Variants in PKN3 observed in about 807,000 individuals in gnomAD.
PKN3 encodes the protein serine/threonine-protein kinase N3.
A neutral mutation model predicts 113.1 loss-of-function variants in PKN3; 91 were observed. That is an observed-to-expected ratio of 0.80 (90% CI 0.68 to 0.96). PKN3 has a LOEUF of 0.96. Ranked by LOEUF, PKN3 falls within the 40% of genes least tolerant of loss-of-function variation. The probability of loss-of-function intolerance (pLI) is 0.00; values close to 1 mark genes in which losing one functional copy is unlikely to be tolerated. For synonymous variants in PKN3, 467 were observed against 499.0 expected (o/e 0.94, Z 0.85); for missense variants, 1,052 against 1,202.2 (o/e 0.88, Z 1.85).
Position 128,716,832 on chromosome 9 carries a change from T to G in PKN3, c.1894T>G (p.Ser632Ala). The G allele has an allele frequency of 6.2e-7, 1 of 1,614,004 alleles. No homozygotes were observed. The highest frequency in any genetic ancestry group is 8.5e-7 in the Non-Finnish European group (1 of 1,179,962). ...LLSLLACFQTSSHACFVTEFV... is the reference protein window; with the variant it reads ...LLSLLACFQTASHACFVTEFV... ...CTCCCTCCTTGCCTGCTTCCAGACCTCCAGCCATGCCTGCTTTGTGACTGA... is the reference window on the plus strand; with the variant it reads ...CTCCCTCCTTGCCTGCTTCCAGACCGCCAGCCATGCCTGCTTTGTGACTGA... Residue 632 changes from serine to alanine, a missense_variant, in exon 16 of 22, where the codon TCC (serine) becomes GCC (alanine). Around this residue, in one of 2 missense-constraint regions of PKN3, gnomAD observed 333 missense variants for 442.8 expected, o/e 0.75. Coordinates refer to ENST00000291906, the MANE Select transcript of PKN3 (RefSeq NM_013355.5).
At chr9:128,713,030 C>G (rs779926318) in intron 6 of PKN3, 22 bp from the exon 7 acceptor site, 2 of 1,574,514 alleles carry the variant, frequency 1.3e-6, no homozygotes, top group Non-Finnish European at 1.7e-6. Flanking sequence ...CTGACAACGC[C>G]CCCCGCTCAC....
rs750377392 is a variant in PKN3 at position 128,706,936 on chromosome 9, C to T, written c.564C>T (p.His188=). 32 of 1,614,020 alleles carry T rather than the reference C, an allele frequency of 2.0e-5. No individual in the cohort carries two copies. In the East Asian group the frequency reaches 3.1e-4, roughly 16 times the overall value. ...LLAEELQHRL[H]VEAAVAEGAK... ...CGGAGGAGCTACAGCATCGACTGCA[C>T]GTTGAGGCAGCTGTGGCTGAGGGCG... Residue 188 remains histidine (H), a synonymous_variant, in exon 5 of 22, where the codon CAC becomes CAT. Transcript: ENST00000291906.
chr9:128,706,897 GCCT>G lies in PKN3; in HGVS notation c.526_528del (p.Pro176del). 1 of 1,614,122 alleles carries G rather than the reference GCCT, an allele frequency of 6.2e-7. No homozygotes were observed. Among genetic ancestry groups the G allele is most frequent in the Non-Finnish European group, 8.5e-7 (1 of 1,180,032 alleles). Reference sequence around the variant, plus strand: ...TGAGAGCCGCCGTCCTTCCCACAGGGCCTGAGCTGCTGGCGGAGGAGCTACAGC... The same window carrying G: ...TGAGAGCCGCCGTCCTTCCCACAGGGGAGCTGCTGGCGGAGGAGCTACAGC... On this transcript the variant is annotated inframe_deletion and splice_region_variant, in exon 5 of 22. Transcript: ENST00000291906.
At position 128,720,265 on chromosome 9, in the gene PKN3, G is replaced by A. The variant is rs1328454477; in HGVS notation, c.2439G>A (p.Lys813=). 1 of 1,614,020 alleles carries A rather than the reference G, an allele frequency of 6.2e-7. No individual in the cohort carries two copies. ...GAGEQDAEEI[K]VQPFFRTTNW... is the part of the protein sequence containing the mutation. ...GTGAGCAGGATGCCGAGGAGATCAAGGTCCAGCCATTCTTCAGGGTGAGCG... is the reference window on the plus strand; with the variant it reads ...GTGAGCAGGATGCCGAGGAGATCAAAGTCCAGCCATTCTTCAGGGTGAGCG... The change falls in exon 21 of 22, where the codon AAG becomes AAA. Residue 813 remains lysine (K), a synonymous_variant. Coordinates refer to ENST00000291906, the MANE Select transcript of PKN3 (RefSeq NM_013355.5). This position sits in a 1 kb window ranked among gnomAD's most constrained non-coding sequence, Gnocchi z 5.5.
At chr9:128,713,925 C>A in intron 9 of PKN3, 121 bp from the exon 10 acceptor site, 1 of 979,288 alleles carries the variant, frequency 1.0e-6, no homozygotes, top group African/African-American at 1.6e-5. Context: ...TTCTCTGGGT[C>A]TTTCTGGCTC....
rs1862523314 is a variant in PKN3 at position 128,720,910 on chromosome 9, A to G, written c.*304A>G. 3 of 575,140 alleles carry G rather than the reference A, an allele frequency of 5.2e-6. No homozygotes were observed. Among genetic ancestry groups the G allele is most frequent in the Non-Finnish European group, 9.2e-6 (3 of 327,124 alleles). 35.6% of individuals were successfully genotyped at this position (575,140 alleles called of 1,614,324 possible). The stretch of plus-strand genomic sequence containing the variant: ...TGGACTTGCTTTATATTAAATTTGT[A>G]AAAGTGTGCACTGGCAGCAGCCTGG... On this transcript the variant is annotated 3_prime_UTR_variant, in exon 22 of 22. Transcript: ENST00000291906. This position sits in a 1 kb window ranked among gnomAD's most constrained non-coding sequence, Gnocchi z 5.5.
At chr9:128,705,677 C>T (rs902998871) in intron 2 of PKN3, 57 bp from the exon 3 acceptor site, 11 of 1,545,408 alleles carry the variant, frequency 7.1e-6, no homozygotes, top group Middle Eastern at 2.0e-4. Context: ...GGAAAGGCCA[C>T]AGTGGGGGTC....
In PKN3 at chr9:128,710,335, C is replaced by T. The variant is rs565971372; in HGVS notation, c.836-2717C>T. On this transcript the variant is annotated intron_variant, in intron 6 of 21. Transcript: ENST00000291906. ...GCATGGGCTTTGAAGCTGTATCCCA[C>T]CGAGATACAGTGAGAGCTGGAAAGG... 1.2e-4 allele frequency among the ~76,000 whole-genome samples: 18 copies of T among 151,984 alleles called. No homozygotes were observed. The South Asian group carries it at 1.9e-3, about 16-fold the overall frequency.
chr9:128,715,250 AGGGT>A lies in PKN3; in HGVS notation c.1716+18_1716+21del, dbSNP rs767552620. The A allele has an allele frequency of 1.2e-6, 2 of 1,613,720 alleles. No homozygotes were observed. Among genetic ancestry groups the A allele is most frequent in the East Asian group, 4.5e-5 (2 of 44,852 alleles). On this transcript the variant is annotated intron_variant, in intron 14 of 21. Coordinates refer to ENST00000291906, the MANE Select transcript of PKN3 (RefSeq NM_013355.5). This position sits in a 1 kb window ranked among gnomAD's most constrained non-coding sequence, Gnocchi z 4.1. ...ACTTTGGGAAGGTAGTGGGCTGAAG[AGGGT>A]GGTATGGGACGGGATTGGGGGCCTC...
At position 128,705,392 on chromosome 9, in the gene PKN3, G is replaced by A. The variant is rs1169053869; in HGVS notation, c.114G>A (p.Glu38=). ...QKELKIKEGV[E]NLRRVATDRR... is the part of the protein sequence containing the mutation. ...AGCTGAAGATCAAGGAGGGGGTGGAGAACCTGCGGCGCGTGGCCACAGACC... is the reference window on the plus strand; with the variant it reads ...AGCTGAAGATCAAGGAGGGGGTGGAAAACCTGCGGCGCGTGGCCACAGACC... Residue 38 remains glutamate (E), a synonymous_variant, in exon 2 of 22, where the codon GAG becomes GAA. Coordinates refer to ENST00000291906, the MANE Select transcript of PKN3 (RefSeq NM_013355.5). 1 of 1,597,722 alleles carries A rather than the reference G, an allele frequency of 6.3e-7. No individual in the cohort carries two copies. The highest frequency in any genetic ancestry group is 1.1e-5 in the South Asian group (1 of 89,046).
intron 6 of PKN3, among the ~76,000 whole-genome samples, chr9:128,712,393 C>T (rs1428310359): frequency 1.3e-5 from 2 of 152,164 alleles, no homozygotes; most frequent in Non-Finnish European, 2.9e-5. Context: ...CCTCTAGTGA[C>T]GTGACACATG....
At chr9:128,714,459 C>T in intron 11 of PKN3, 94 bp downstream of exon 11, 1 of 1,199,084 alleles carries the variant, frequency 8.3e-7, no homozygotes, top group South Asian at 1.2e-5. Context: ...CTGCATTGCT[C>T]AGCCCGCTAA....
chr9:128,720,273 C>CCTG lies in PKN3; in HGVS notation c.2447_2448insCTG (p.Pro816_Phe817insTer). ...GATGCCGAGGAGATCAAGGTCCAGC[C>CCTG]ATTCTTCAGGGTGAGCGGCTGGGGT... is the stretch of plus-strand genomic sequence containing the variant. On this transcript the variant is annotated stop_gained and inframe_insertion, in exon 21 of 22. Coordinates refer to ENST00000291906, the MANE Select transcript of PKN3 (RefSeq NM_013355.5). LOFTEE classifies it high-confidence loss of function. The surrounding 1 kb of genome is among the most constrained non-coding windows in gnomAD (Gnocchi z 5.5). 1 of 1,613,998 alleles carries CCTG rather than the reference C, an allele frequency of 6.2e-7. No individual in the cohort carries two copies. Among genetic ancestry groups the CCTG allele is most frequent in the Middle Eastern group, 1.6e-4 (1 of 6,062 alleles).
rs772256030 is a variant in PKN3 at position 128,714,105 on chromosome 9, C to T, written c.1296C>T (p.Ile432=). The stretch of plus-strand genomic sequence containing the variant: ...CCCGGCTGCAGAGGCAGGAACGCAT[C>T]TTCTCTAAACGCAGAGGTGTGGAGG... ...RRPRLQRQER[I]FSKRRGQDFL... Residue 432 remains isoleucine (I), a synonymous_variant, in exon 10 of 22, where the codon ATC becomes ATT. Coordinates refer to ENST00000291906, the MANE Select transcript of PKN3 (RefSeq NM_013355.5). The T allele has an allele frequency of 6.8e-6, 11 of 1,613,978 alleles. No homozygotes were observed. The highest frequency in any genetic ancestry group is 8.5e-7 in the Non-Finnish European group (1 of 1,179,988).
At chr9:128,706,586 T>C in intron 3 of PKN3, 127 bp from the exon 4 acceptor site, 1 of 694,052 alleles carries the variant, frequency 1.4e-6, no homozygotes, top group Non-Finnish European at 2.3e-6. Context: ...GGCTTGACTT[T>C]AGTGTTTGGC....
Position 128,714,383 on chromosome 9 carries a change from C to T in PKN3, c.1481+18C>T. ...ACTCCCAGGTGAGGAGCTCCCTTGC[C>T]CTAGACTGCATGCTCCTCTGTGGCG... is the stretch of plus-strand genomic sequence containing the variant. On this transcript the variant is annotated intron_variant, in intron 11 of 21. Transcript: ENST00000291906. 6.3e-7 allele frequency: 1 copy of T among 1,593,360 alleles called. No homozygotes were observed. The highest frequency in any genetic ancestry group is 8.6e-7 in the Non-Finnish European group (1 of 1,167,014).
At position 128,714,249 on chromosome 9, in the gene PKN3, G is replaced by A. The variant is rs1351015215; in HGVS notation, c.1365G>A (p.Gly455=). Residue 455 remains glycine, a synonymous_variant, in exon 11 of 22, where the codon GGG becomes GGA. Transcript: ENST00000291906. The part of the protein sequence containing the change: ...SQMNLGMAAW[G]RLVMNLLPPC... ...TGAACCTCGGCATGGCGGCCTGGGG[G>A]CGCCTCGTCATGAACCTGCTGCCCC... is the stretch of plus-strand genomic sequence containing the variant. 6.2e-7 allele frequency: 1 copy of A among 1,613,832 alleles called. No individual in the cohort carries two copies. Among genetic ancestry groups the A allele is most frequent in the African/African-American group, 1.3e-5 (1 of 74,886 alleles).
chr9:128,719,810 C>T lies in PKN3; in HGVS notation c.2250C>T (p.Tyr750=), dbSNP rs781026207. 28 of 1,591,438 alleles carry T rather than the reference C, an allele frequency of 1.8e-5. No individual in the cohort carries two copies. Among genetic ancestry groups the T allele is most frequent in the South Asian group, 4.5e-5 (4 of 89,876 alleles). Residue 750 remains tyrosine (Y), a synonymous_variant, in exon 19 of 22, where the codon TAC becomes TAT. Transcript: ENST00000291906. ...VDWWGLGVLL[Y]EMLVGECPFP... is the part of the protein sequence containing the mutation. ...GGTGGGGGCTGGGTGTGCTGCTCTACGAGATGCTGGTGGGTGAGGTGAGTG... is the reference window on the plus strand; with the variant it reads ...GGTGGGGGCTGGGTGTGCTGCTCTATGAGATGCTGGTGGGTGAGGTGAGTG...
rs754952764 is a variant in PKN3 at position 128,714,310 on chromosome 9, G to A, written c.1426G>A (p.Gly476Arg). Residue 476 changes from glycine (G) to arginine (R), a missense_variant, in exon 11 of 22, where the codon GGA (glycine) becomes AGA (arginine). Around this residue, in one of 2 missense-constraint regions of PKN3, gnomAD observed 719 missense variants for 759.4 expected, o/e 0.95. Transcript: ENST00000291906. Reference sequence around the variant, plus strand: ...CCCGAGCACAATCAGCCCCCCTAAAGGATGCCCTCGGACCCCAACAACACT... The same window carrying A: ...CCCGAGCACAATCAGCCCCCCTAAAAGATGCCCTCGGACCCCAACAACACT... ...SSPSTISPPK[G>R]CPRTPTTLRE... 1.9e-6 allele frequency: 3 copies of A among 1,612,716 alleles called. No homozygotes were observed. Among genetic ancestry groups the A allele is most frequent in the Admixed American group, 3.3e-5 (2 of 59,766 alleles).
Sources: gnomAD v4.1 joint callset for allele counts (sites outside exome capture counted in the v4.1 genomes callset) on GRCh38, gnomAD v4.1.1 for gene constraint, gnomAD v4.1.1 regional missense constraint, Gnocchi (gnomAD v3.1) non-coding constraint, MANE v1.5 for transcripts, NCBI Gene and HGNC (gene_info 2026-07-23, HGNC 2026-07-21) for gene names.